The following C14orf180 variants were observed in gnomAD, a reference collection of about 807,000 sequenced individuals.
The protein encoded by C14orf180 is nutritionally-regulated adipose and cardiac enriched protein homolog.
Under a neutral mutation model 13.9 loss-of-function variants are expected in C14orf180, and 13 were observed. The ratio of observed to expected loss-of-function variants is 0.94; its 90% CI spans 0.61 to 1.49. The LOEUF (loss-of-function observed/expected upper bound fraction) is 1.49. Among genes scored for constraint, C14orf180 ranks in the 40% most tolerant of loss-of-function variants. C14orf180 has a pLI of 0.00. For missense variants in C14orf180, 238 were observed against 232.0 expected (o/e 1.03, Z -0.17); for synonymous variants, 113 against 106.3 (o/e 1.06, Z -0.39).
At position 104,579,767 on chromosome 14, in the gene C14orf180, A is replaced by G. The variant is rs1886376331; in HGVS notation, c.-253A>G. The G allele has an allele frequency of 1.3e-5, 2 of 152,358 alleles. No individual in the cohort carries two copies. The highest frequency in any genetic ancestry group is 6.5e-5 in the Admixed American group (1 of 15,292). The allele number at this position is 152,358 out of a possible 1,614,324, so 9.4% of individuals were successfully genotyped here. On this transcript the variant is annotated 5_prime_UTR_variant, in exon 1 of 5. Transcript: ENST00000557649. Reference sequence around the variant, plus strand: ...GGCTGGAGACGGGACGAAGGCCACAACAGACCCGGCCCTGCCAGCGGGCGG... The same window carrying G: ...GGCTGGAGACGGGACGAAGGCCACAGCAGACCCGGCCCTGCCAGCGGGCGG...
chr14:104,588,501 C>T (rs1224143506), intron 4 of C14orf180, 77 bp from the exon 5 acceptor site: 32 of 1,435,134 alleles, frequency 2.2e-5, no homozygotes, highest in Non-Finnish European at 2.8e-5. Context: ...ATCTCCCCAT[C>T]CCTTCCCCAC....
chr14:104,586,601 G>A (rs1172434452), intron 2 of C14orf180, 60 bp downstream of exon 2: 25 of 1,133,380 alleles, frequency 2.2e-5, no homozygotes, highest in Non-Finnish European at 2.8e-5. Context: ...GGGCTGGAGG[G>A]GGCAGGGAGC....
chr14:104,585,914 A>T (rs1886603107), intron 1 of C14orf180, among the ~76,000 whole-genome samples: 3 of 152,336 alleles, frequency 2.0e-5, no homozygotes, highest in Admixed American at 2.0e-4. Context: ...CAGCCCAAAA[A>T]GGTGGGCATG....
In C14orf180 at chr14:104,589,014, T is replaced by C. The variant is rs142719723; in HGVS notation, c.*231T>C. 2.1e-4 allele frequency: 181 copies of C among 844,762 alleles called. 1 individual carries two copies. The East Asian group carries it at 3.6e-3, about 17-fold the overall frequency. The allele number at this position is 844,762 out of a possible 1,614,324, so 52.3% of individuals were successfully genotyped here. ...AGCACAGCCCTCCTGTCTCCTGTGTTGGGTCCATGTGAGATTTTATTAGAA... is the reference window on the plus strand; with the variant it reads ...AGCACAGCCCTCCTGTCTCCTGTGTCGGGTCCATGTGAGATTTTATTAGAA... On this transcript the variant is annotated 3_prime_UTR_variant, in exon 5 of 5. Transcript: ENST00000557649. This position sits in a 1 kb window ranked among gnomAD's most constrained non-coding sequence, Gnocchi z 4.9.
chr14:104,588,215 G>A (rs913420872), intron 3 of C14orf180, 59 bp from the exon 4 acceptor site: 77 of 1,607,046 alleles, frequency 4.8e-5, no homozygotes, highest in Non-Finnish European at 6.1e-5. Context: ...ACGAGAGGGC[G>A]GGGGCGCCCG....
chr14:104,587,365 C>T (rs1886664090), intron 2 of C14orf180, among the ~76,000 whole-genome samples: 1 of 152,214 alleles, frequency 6.6e-6, no homozygotes, highest in South Asian at 2.1e-4. Context: ...CCCCATAGAG[C>T]TTGCAAACTC....
intron 1 of C14orf180, among the ~76,000 whole-genome samples, chr14:104,583,467 C>T (rs73361806): frequency 0.071 from 10,857 of 152,282 alleles, 1,321 homozygotes; most frequent in African/African-American, 0.25. Context: ...CCCACCCTCA[C>T]GCGAGCCCGC....
At chr14:104,582,210 G>A (rs1174425779) in intron 1 of C14orf180, among the ~76,000 whole-genome samples, 2 of 152,190 alleles carry the variant, frequency 1.3e-5, no homozygotes, top group Non-Finnish European at 2.9e-5. Flanking sequence ...GCCAGCGGGC[G>A]GCGTCCTGGA....
intron 2 of C14orf180, among the ~76,000 whole-genome samples, chr14:104,587,437 G>A (rs1186018555): frequency 6.6e-6 from 1 of 152,182 alleles, no homozygotes; most frequent in East Asian, 1.9e-4. Flanking sequence ...CATGTCCTGG[G>A]GACCCTGTCC....
chr14:104,588,204 G>C (rs1886701078), intron 3 of C14orf180, 70 bp from the exon 4 acceptor site: 1 of 1,592,874 alleles, frequency 6.3e-7, no homozygotes, highest in African/African-American at 1.3e-5. Flanking sequence ...TGCAGGGTGA[G>C]ACGAGAGGGC....
At chr14:104,582,311 C>T (rs1406831325) in intron 1 of C14orf180, among the ~76,000 whole-genome samples, 1 of 152,176 alleles carries the variant, frequency 6.6e-6, no homozygotes, top group African/African-American at 2.4e-5. Flanking sequence ...ACCACTGGCC[C>T]GCCCCCACGC....
chr14:104,588,368 T>A, intron 4 of C14orf180, 59 bp downstream of exon 4: 1 of 1,602,230 alleles, frequency 6.2e-7, no homozygotes, highest in Non-Finnish European at 8.6e-7. Flanking sequence ...GCACCCACCC[T>A]CACTCCCTCC....
intron 2 of C14orf180, 27 bp from the exon 3 acceptor site, chr14:104,587,722 C>G: frequency 6.2e-7 from 1 of 1,609,942 alleles, no homozygotes; most frequent in South Asian, 1.1e-5. Flanking sequence ...CGGGGACTCA[C>G]CAGTCTGCTT....
At chr14:104,582,852 C>T (rs568063749) in intron 1 of C14orf180, among the ~76,000 whole-genome samples, 2 of 152,178 alleles carry the variant, frequency 1.3e-5, no homozygotes, top group African/African-American at 4.8e-5. Flanking sequence ...CCATCTGTCA[C>T]GAGGCCTCCA....
At chr14:104,583,473 C>A (rs1005247029) in intron 1 of C14orf180, among the ~76,000 whole-genome samples, 1 of 152,212 alleles carries the variant, frequency 6.6e-6, no homozygotes, top group African/African-American at 2.4e-5. Flanking sequence ...CTCACGCGAG[C>A]CCGCAGAGGC....
At chr14:104,584,389 C>T (rs992790235) in intron 1 of C14orf180, among the ~76,000 whole-genome samples, 7 of 152,172 alleles carry the variant, frequency 4.6e-5, no homozygotes, top group Non-Finnish European at 7.4e-5. Flanking sequence ...GGGGGCTCTG[C>T]TCCACCCCCA....
intron 4 of C14orf180, 88 bp from the exon 5 acceptor site, chr14:104,588,490 A>G (rs1886716179): frequency 1.4e-6 from 2 of 1,437,728 alleles, no homozygotes; most frequent in African/African-American, 2.9e-5. Flanking sequence ...GACAGGGTGG[A>G]ATCTCCCCAT....
chr14:104,582,742 G>C (rs529032554), intron 1 of C14orf180, among the ~76,000 whole-genome samples: 1 of 152,216 alleles, frequency 6.6e-6, no homozygotes, highest in Admixed American at 6.5e-5. Flanking sequence ...TTCCCAGAGT[G>C]GGGGTAGAGT....
At chr14:104,583,616 C>T (rs116665493) in intron 1 of C14orf180, among the ~76,000 whole-genome samples, 1 of 152,244 alleles carries the variant, frequency 6.6e-6, no homozygotes, top group African/African-American at 2.4e-5. Flanking sequence ...GGTGCTGTCC[C>T]GTAGGAAGTC....
Sources: allele counts gnomAD v4.1 joint callset (sites outside exome capture counted in the v4.1 genomes callset), GRCh38; gene constraint gnomAD v4.1.1; non-coding constraint Gnocchi (gnomAD v3.1); transcripts MANE v1.5; gene names NCBI Gene and HGNC (gene_info 2026-07-23, HGNC 2026-07-21).